CNTN5: variants seen among roughly 807,000 people sequenced by gnomAD.
CNTN5 encodes contactin 5, also known as contactin-5.
CNTN5 carries 77 observed loss-of-function variants against 129.1 expected under a neutral mutation model. That is an observed-to-expected ratio of 0.60 (90% CI 0.50 to 0.72). CNTN5 has a LOEUF of 0.72. Among genes scored for constraint, CNTN5 ranks in the 30% least tolerant of loss-of-function variants. CNTN5 has a pLI of 0.00. For synonymous variants in CNTN5, 509 were observed against 465.6 expected, an observed-to-expected ratio of 1.09 and a Z score of -1.20; for missense variants, 1,478 against 1,328.8, an observed-to-expected ratio of 1.11 and a Z score of -1.75.
intron 13 of CNTN5, among the ~76,000 whole-genome samples, chr11:100,163,235 TAAG>T (rs1375638940): frequency 1.3e-5 from 2 of 151,732 alleles, no homozygotes; most frequent in Admixed American, 6.6e-5. Flanking sequence ...CTAATAAAAA[TAAG>T]GAGTCAGGTT....
chr11:99,803,963 G>C (rs1244043234), intron 3 of CNTN5, among the ~76,000 whole-genome samples: 1 of 152,022 alleles, frequency 6.6e-6, no homozygotes, highest in Non-Finnish European at 1.5e-5. Flanking sequence ...CTACCATCTT[G>C]GGTTTTTAAA....
chr11:100,061,425 A>G (rs763452468), intron 10 of CNTN5, 32 bp downstream of exon 10: 3 of 1,444,858 alleles, frequency 2.1e-6, no homozygotes, highest in Non-Finnish European at 2.8e-6. Flanking sequence ...TGATTGCTCT[A>G]GTCCCAAAAG....
At chr11:100,129,801 T>C (rs926718224) in intron 13 of CNTN5, among the ~76,000 whole-genome samples, 1 of 151,930 alleles carries the variant, frequency 6.6e-6, no homozygotes, top group Non-Finnish European at 1.5e-5. Flanking sequence ...ACAATTAGTA[T>C]GTAAAAACGA....
chr11:99,999,621 T>C (rs1939718935), intron 8 of CNTN5, among the ~76,000 whole-genome samples: 1 of 152,122 alleles, frequency 6.6e-6, no homozygotes, highest in Non-Finnish European at 1.5e-5. Context: ...GATCCAGAAC[T>C]AGAAATACCA....
intron 15 of CNTN5, among the ~76,000 whole-genome samples, chr11:100,212,695 T>C (rs1949058837): frequency 6.6e-6 from 1 of 152,118 alleles, no homozygotes; most frequent in Admixed American, 6.6e-5. Flanking sequence ...AGATGATTCC[T>C]AATGACTTTA....
chr11:100,074,581 T>A (rs993466909), intron 13 of CNTN5, among the ~76,000 whole-genome samples: 1 of 152,172 alleles, frequency 6.6e-6, no homozygotes, highest in Non-Finnish European at 1.5e-5. Flanking sequence ...GTTTTTCATC[T>A]TGCTTCTGCA....
At chr11:99,793,559 T>C (rs1037764447) in intron 3 of CNTN5, among the ~76,000 whole-genome samples, 4 of 152,198 alleles carry the variant, frequency 2.6e-5, no homozygotes, top group African/African-American at 9.7e-5. Context: ...ATGTGTTTCA[T>C]TTTTATAAGC....
chr11:99,488,339 A>G (rs1459066363), intron 2 of CNTN5, among the ~76,000 whole-genome samples: 1 of 145,778 alleles, frequency 6.9e-6, no homozygotes, highest in Admixed American at 6.8e-5. Context: ...TGGCCGGCTA[A>G]TTTTTGTATT....
At position 99,926,917 on chromosome 11, in the gene CNTN5, C is replaced by T. The variant is rs113161032; in HGVS notation, c.673+10768C>T. Among the ~76,000 whole-genome samples the T allele has an allele frequency of 2.7e-3, 418 of 152,056 alleles. 1 individual carries two copies. Among genetic ancestry groups the T allele is most frequent in the Middle Eastern group, 7.1e-3 (2 of 282 alleles). ...AGATTTACAGTTTTACTTTGAAATA[C>T]GTTAATGTTGTATTCTTACATTTTA... is the stretch of plus-strand genomic sequence containing the variant. On this transcript the variant is annotated intron_variant, in intron 7 of 24. Transcript: ENST00000524871.
At chr11:99,330,854 C>A (rs968323789) in intron 2 of CNTN5, among the ~76,000 whole-genome samples, 1 of 151,744 alleles carries the variant, frequency 6.6e-6, no homozygotes, top group African/African-American at 2.4e-5. Flanking sequence ...ATCTAAATTT[C>A]TTTTTAATTA....
At chr11:99,734,502 T>C (rs1245997533) in intron 3 of CNTN5, among the ~76,000 whole-genome samples, 1 of 152,186 alleles carries the variant, frequency 6.6e-6, no homozygotes, top group Non-Finnish European at 1.5e-5. Context: ...TCATTTGTCA[T>C]AAGTGACTCC....
chr11:100,273,261 C>T (rs1950440316), intron 18 of CNTN5, among the ~76,000 whole-genome samples: 1 of 152,152 alleles, frequency 6.6e-6, no homozygotes, highest in Non-Finnish European at 1.5e-5. Flanking sequence ...CCTGCACAGT[C>T]TTTCCCCACA....
intron 3 of CNTN5, among the ~76,000 whole-genome samples, chr11:99,687,863 G>A (rs539889138): frequency 6.6e-6 from 1 of 152,300 alleles, no homozygotes; most frequent in South Asian, 2.1e-4. Flanking sequence ...CCTGTGACAT[G>A]ATAGGAATCA....
At chr11:99,561,391 A>C (rs1225124936) in intron 3 of CNTN5, among the ~76,000 whole-genome samples, 2 of 152,202 alleles carry the variant, frequency 1.3e-5, no homozygotes, top group African/African-American at 4.8e-5. Context: ...TAAAAGATTA[A>C]ATAAATAATG....
chr11:100,004,022 C>G (rs952209745), intron 9 of CNTN5: 6 of 152,198 alleles, frequency 3.9e-5, no homozygotes, highest in Non-Finnish European at 7.3e-5. Context: ...AGCACATTGT[C>G]TTGTGGTGTG....
chr11:99,299,668 T>C (rs1201619075), intron 1 of CNTN5, among the ~76,000 whole-genome samples: 1 of 152,172 alleles, frequency 6.6e-6, no homozygotes, highest in Non-Finnish European at 1.5e-5. Flanking sequence ...TGTTTCTGAG[T>C]TATTTCACTA....
intron 9 of CNTN5, among the ~76,000 whole-genome samples, chr11:100,009,324 G>C (rs1305917674): frequency 6.6e-6 from 1 of 152,032 alleles, no homozygotes; most frequent in Non-Finnish European, 1.5e-5. Context: ...AACTTTTAAA[G>C]TGACCGTGAC....
intron 2 of CNTN5, among the ~76,000 whole-genome samples, chr11:99,482,748 C>G (rs994518808): frequency 8.5e-5 from 13 of 152,170 alleles, no homozygotes; most frequent in African/African-American, 3.1e-4. Flanking sequence ...CTTATTTAGA[C>G]AGAACACCAA....
At chr11:99,706,719 C>G (rs1013898081) in intron 3 of CNTN5, among the ~76,000 whole-genome samples, 1 of 151,284 alleles carries the variant, frequency 6.6e-6, no homozygotes, top group Admixed American at 6.6e-5. Flanking sequence ...TTCTATCTAT[C>G]TTTTAATTTT....
Sources: gnomAD v4.1 joint callset for allele counts (sites outside exome capture counted in the v4.1 genomes callset) on GRCh38, gnomAD v4.1.1 for gene constraint, MANE v1.5 for transcripts, NCBI Gene and HGNC (gene_info 2026-07-23, HGNC 2026-07-21) for gene names.